Variants in MAPK6 observed in about 807,000 individuals in gnomAD.
MAPK6 encodes the protein mitogen-activated protein kinase 6.
Under a neutral mutation model 59.3 loss-of-function variants are expected in MAPK6, and 19 were observed. That is an observed-to-expected ratio of 0.32 (90% CI 0.22 to 0.47). The LOEUF (loss-of-function observed/expected upper bound fraction) is 0.47, where lower values mean the gene tolerates loss of function less well. MAPK6 is among the 20% of genes least tolerant of loss of function. MAPK6 has a pLI of 1.00. For missense variants in MAPK6, 724 were observed against 847.9 expected (o/e 0.85, Z 1.81); for synonymous variants, 316 against 290.3 (o/e 1.09, Z -0.90).
At chr15:52,034,934 G>A (rs2031187360) in intron 1 of MAPK6, among the ~76,000 whole-genome samples, 1 of 152,042 alleles carries the variant, frequency 6.6e-6, no homozygotes, top group South Asian at 2.1e-4. Flanking sequence ...CCAGACTCAA[G>A]TGATCTGCTT....
intron 2 of MAPK6, among the ~76,000 whole-genome samples, chr15:51,996,692 GTCC>G (rs761333342): frequency 5.7e-4 from 86 of 151,118 alleles, no homozygotes; most frequent in Non-Finnish European, 9.6e-4. Flanking sequence ...CACGGCGCCC[GTCC>G]TCCTCCTCCT....
rs1343348421 is a variant in MAPK6, at chr15:52,065,684, A to G, written c.*684A>G. ...ATCTTATTTATTTTAGCAAATCAGT[A>G]TATTTTCTGTATTTAATTATAAAAA... On this transcript the variant is annotated 3_prime_UTR_variant, in exon 6 of 6. Transcript: ENST00000261845. The G allele has an allele frequency of 6.6e-6, 1 of 152,652 alleles. No individual in the cohort carries two copies. The highest frequency in any genetic ancestry group is 1.5e-5 in the Non-Finnish European group (1 of 68,042). The allele number at this position is 152,652 out of a possible 1,614,324, so 9.5% of individuals were successfully genotyped here.
intron 2 of MAPK6, among the ~76,000 whole-genome samples, chr15:51,997,594 T>A (rs181522100): frequency 6.7e-6 from 1 of 149,978 alleles, no homozygotes; most frequent in African/African-American, 2.4e-5. Context: ...TTCTTTCTTT[T>A]TTTTTTTTTT....
At position 52,042,062 on chromosome 15, in the gene MAPK6, C is replaced by T. The variant is rs116781932; in HGVS notation, c.-631-3768C>T. ...ATGGAACGTGACTGAATTGGAAACA[C>T]TTATTGGATCCACTGTATGATATAG... On this transcript the variant is annotated intron_variant, in intron 1 of 5. Coordinates refer to ENST00000261845, the MANE Select transcript of MAPK6 (RefSeq NM_002748.4). Among the ~76,000 whole-genome samples, 705 of 152,264 alleles carry T rather than the reference C, an allele frequency of 4.6e-3. 9 individuals carry two copies. The highest frequency in any genetic ancestry group is 0.016 in the African/African-American group (682 of 41,534).
In MAPK6 at chr15:51,975,936, G is replaced by T. The variant is rs187093084; in HGVS notation, c.-880+4030G>T. Among the ~76,000 whole-genome samples, 2 of 151,924 alleles carry T rather than the reference G, an allele frequency of 1.3e-5. 1 individual carries two copies. Among genetic ancestry groups the T allele is most frequent in the Non-Finnish European group, 2.9e-5 (2 of 67,942 alleles). On this transcript the variant is annotated intron_variant, in intron 1 of 7. Coordinates refer to the MAPK6 transcript ENST00000691380. ...AGGGTCCCACAATGGGTGCTATAGG[G>T]ATATAAAAATAATGACAAACATATT...
intron 1 of MAPK6, among the ~76,000 whole-genome samples, chr15:52,045,627 G>A (rs1232176997): frequency 6.6e-6 from 1 of 152,124 alleles, no homozygotes; most frequent in Non-Finnish European, 1.5e-5. Flanking sequence ...GAAATCTGGA[G>A]CCCGGGCCAA....
rs1194496791 is a variant in MAPK6 at position 52,061,374 on chromosome 15, C to T, written c.941C>T (p.Pro314Leu). The change falls in exon 5 of 6, where the codon CCT (proline) becomes CTT (leucine). Residue 314 changes from proline (P) to leucine (L), a missense_variant. By Grantham distance (98) the Pro-to-Leu change is moderately conservative (BLOSUM62 -3). This residue lies in a region of MAPK6 where 502 missense variants were observed against 507.6 expected (regional missense o/e 0.99). Coordinates refer to ENST00000261845, the MANE Select transcript of MAPK6 (RefSeq NM_002748.4). ...ACAGCAGAAGAAGCACTCTCCCATC[C>T]TTACATGAGCATATATTCTTTTCCA... ...RLTAEEALSH[P>L]YMSIYSFPMD... 1.9e-6 allele frequency: 3 copies of T among 1,614,062 alleles called. No homozygotes were observed. The highest frequency in any genetic ancestry group is 2.2e-5 in the East Asian group (1 of 44,874).
At position 52,063,911 on chromosome 15, in the gene MAPK6, T is replaced by C. The variant is rs761028406; in HGVS notation, c.1077T>C (p.Asp359=). 12 of 1,537,244 alleles carry C rather than the reference T, an allele frequency of 7.8e-6. No homozygotes were observed. The highest frequency in any genetic ancestry group is 1.4e-5 in the African/African-American group (1 of 72,014). The change falls in exon 6 of 6, where the codon GAT becomes GAC. Residue 359 remains aspartate, a synonymous_variant. Transcript: ENST00000261845. ...TATTGATTTTTTTCAGGTATCATGA[T>C]TGTCAGTTTTCAGAGCATGATTGGC... ...SHIYNWERYH[D]CQFSEHDWPV...
chr15:52,009,506 G>A (rs1350442266), intron 3 of MAPK6, among the ~76,000 whole-genome samples: 2 of 152,186 alleles, frequency 1.3e-5, no homozygotes, highest in Non-Finnish European at 2.9e-5. Flanking sequence ...TGTTGGGAGA[G>A]GCTGTAAGTT....
intron 1 of MAPK6, among the ~76,000 whole-genome samples, chr15:51,974,207 G>A (rs894267092): frequency 2.3e-4 from 35 of 151,618 alleles, no homozygotes; most frequent in Non-Finnish European, 4.1e-4. Flanking sequence ...AGTGATCCTC[G>A]TGTCTTGGCC....
intron 1 of MAPK6, among the ~76,000 whole-genome samples, chr15:51,975,007 G>A (rs143704411): frequency 4.0e-5 from 6 of 151,548 alleles, no homozygotes; most frequent in East Asian, 4.0e-4. Context: ...GTCAGCCACC[G>A]CACCAGGCCT....
At chr15:52,034,181 C>T (rs1436875216) in intron 1 of MAPK6, among the ~76,000 whole-genome samples, 1 of 152,048 alleles carries the variant, frequency 6.6e-6, no homozygotes, top group East Asian at 1.9e-4. Context: ...GACAGAGTTT[C>T]ACCATGTTCG....
At chr15:52,034,722 G>T (rs1448027642) in intron 1 of MAPK6, among the ~76,000 whole-genome samples, 1 of 151,810 alleles carries the variant, frequency 6.6e-6, no homozygotes, top group Non-Finnish European at 1.5e-5. Flanking sequence ...TATTGAGATG[G>T]AATCTTCCTC....
In MAPK6 at chr15:51,994,313, A is replaced by C. The variant is rs147535829; in HGVS notation, c.-769-9952A>C. Reference sequence around the variant, plus strand: ...ACCAAAAGGAACCAGGGCCCCTTGGAGAATGGCTGATTCCCGGGCTGAGGC... The same window carrying C: ...ACCAAAAGGAACCAGGGCCCCTTGGCGAATGGCTGATTCCCGGGCTGAGGC... On this transcript the variant is annotated intron_variant, in intron 2 of 7. Transcript: ENST00000691380. 2.0e-4 allele frequency among the ~76,000 whole-genome samples: 30 copies of C among 152,244 alleles called. No individual in the cohort carries two copies. The East Asian group carries it at 5.0e-3, about 25-fold the overall frequency.
At chr15:51,973,241 T>C (rs1484618160) in intron 1 of MAPK6, among the ~76,000 whole-genome samples, 2 of 151,944 alleles carry the variant, frequency 1.3e-5, no homozygotes, top group East Asian at 1.9e-4. Context: ...AGAAGATACA[T>C]AGATAACCTG....
intron 2 of MAPK6, among the ~76,000 whole-genome samples, chr15:51,998,864 G>A (rs1202346560): frequency 6.7e-6 from 1 of 148,470 alleles, no homozygotes; most frequent in South Asian, 2.1e-4. Flanking sequence ...CTAATTTTTT[G>A]TATTTTTAGT....
At chr15:52,027,236 G>A (rs950443902) in intron 1 of MAPK6, among the ~76,000 whole-genome samples, 1 of 150,432 alleles carries the variant, frequency 6.6e-6, no homozygotes, top group African/African-American at 2.5e-5. Context: ...TGTAATCCCA[G>A]CTACTCGGGA....
chr15:52,035,047 T>C (rs537281804), intron 1 of MAPK6, among the ~76,000 whole-genome samples: 9 of 152,366 alleles, frequency 5.9e-5, no homozygotes, highest in Admixed American at 5.2e-4. Context: ...CTTTGAGCTC[T>C]GCTTTTTAGT....
At chr15:52,016,261 C>G (rs1157189844), upstream of MAPK6, among the ~76,000 whole-genome samples, 1 of 151,052 alleles carries the variant, frequency 6.6e-6, no homozygotes, top group South Asian at 2.1e-4. Context: ...ATGTGGTGCA[C>G]ACCTGTAATC....
Sources: allele counts gnomAD v4.1 joint callset (sites outside exome capture counted in the v4.1 genomes callset), GRCh38; gene constraint gnomAD v4.1.1; regional missense constraint gnomAD v4.1.1; transcripts MANE v1.5; gene names NCBI Gene and HGNC (gene_info 2026-07-23, HGNC 2026-07-21).